Variants in TBC1D12 observed in about 807,000 individuals in gnomAD.
The protein encoded by TBC1D12 is TBC1 domain family member 12.
In TBC1D12, 56 loss-of-function variants were observed where a neutral mutation model predicts 86.7. The ratio of observed to expected loss-of-function variants is 0.65; its 90% CI spans 0.52 to 0.81. The LOEUF (loss-of-function observed/expected upper bound fraction) is 0.81, where lower values mean the gene tolerates loss of function less well. Among genes scored for constraint, TBC1D12 ranks in the 30% least tolerant of loss-of-function variants. TBC1D12 has a pLI of 0.00. For synonymous variants in TBC1D12, 421 were observed against 411.7 expected, an observed-to-expected ratio of 1.02 and a Z score of -0.27; for missense variants, 1,023 against 1,038.8, an observed-to-expected ratio of 0.98 and a Z score of 0.21.
At position 94,533,192 on chromosome 10, in the gene TBC1D12, G is replaced by A; in HGVS notation, c.*96G>A. ...AAAAGGCGTGGAAGAAAATGTTGGA[G>A]ATACCTAAAAGAATCAAGAGGTGGA... On this transcript the variant is annotated 3_prime_UTR_variant, in exon 13 of 13. Coordinates refer to ENST00000225235, the MANE Select transcript of TBC1D12 (RefSeq NM_015188.2). 2 of 675,488 alleles carry A rather than the reference G, an allele frequency of 3.0e-6. No individual in the cohort carries two copies. The highest frequency in any genetic ancestry group is 2.4e-6 in the Non-Finnish European group (1 of 411,920). The allele number at this position is 675,488 out of a possible 1,614,324, so 41.8% of individuals were successfully genotyped here. A position where few individuals can be genotyped will look rare whatever the true frequency, so the allele number is the denominator to read the frequency against.
intron 3 of TBC1D12, among the ~76,000 whole-genome samples, chr10:94,490,846 C>T (rs2056235767): frequency 6.6e-6 from 1 of 152,024 alleles, no homozygotes; most frequent in Non-Finnish European, 1.5e-5. Context: ...CTTGTGTGAA[C>T]TTTAAGAATG....
At chr10:94,511,482 C>T (rs2056526344) in intron 8 of TBC1D12, 101 bp from the exon 9 acceptor site, 1 of 767,260 alleles carries the variant, frequency 1.3e-6, no homozygotes, top group Non-Finnish European at 2.3e-6. Flanking sequence ...TATGCTAAAA[C>T]TAGTCATTTA....
At chr10:94,480,450 C>G (rs955288116) in intron 3 of TBC1D12, among the ~76,000 whole-genome samples, 7 of 152,010 alleles carry the variant, frequency 4.6e-5, no homozygotes, top group Non-Finnish European at 1.0e-4. Context: ...TTTTTCACTT[C>G]TAAGAACACC....
intron 2 of TBC1D12, among the ~76,000 whole-genome samples, chr10:94,457,405 ATTTG>A (rs1339618925): frequency 2.0e-5 from 3 of 151,710 alleles, no homozygotes; most frequent in East Asian, 1.9e-4. Context: ...CTGTTTCTTC[ATTTG>A]TTTGTTTGTT....
intron 1 of TBC1D12, among the ~76,000 whole-genome samples, chr10:94,429,568 G>A (rs767974078): frequency 2.0e-4 from 30 of 152,126 alleles, no homozygotes; most frequent in Non-Finnish European, 1.0e-4. Context: ...TAATTATGTA[G>A]TCAGCTGTGG....
intron 9 of TBC1D12, among the ~76,000 whole-genome samples, chr10:94,518,299 C>T (rs1482377542): frequency 5.3e-5 from 8 of 151,904 alleles, no homozygotes; most frequent in African/African-American, 1.7e-4. Context: ...CTGCAACCTC[C>T]GCCCTCTGGG....
At chr10:94,490,861 A>AT (rs529448087) in intron 3 of TBC1D12, among the ~76,000 whole-genome samples, 13 of 147,292 alleles carry the variant, frequency 8.8e-5, no homozygotes, top group South Asian at 2.2e-4. Context: ...AGAATGTCCT[A>AT]TTTTTTTTTT....
At chr10:94,516,389 G>A (rs2056591829) in intron 9 of TBC1D12, among the ~76,000 whole-genome samples, 1 of 151,716 alleles carries the variant, frequency 6.6e-6, no homozygotes, top group African/African-American at 2.4e-5. Context: ...TTTTTTGGTT[G>A]GGCATATATA....
chr10:94,435,549 C>A (rs2055282077), intron 1 of TBC1D12, among the ~76,000 whole-genome samples: 1 of 151,984 alleles, frequency 6.6e-6, no homozygotes, highest in South Asian at 2.1e-4. Flanking sequence ...ATTAGATTAT[C>A]TTTTATGAAA....
chr10:94,490,270 A>G (rs1431785042), intron 3 of TBC1D12, among the ~76,000 whole-genome samples: 1 of 149,916 alleles, frequency 6.7e-6, no homozygotes, highest in Non-Finnish European at 1.5e-5. Context: ...GAAAAAAAAA[A>G]AGAAATATTG....
chr10:94,517,646 C>A (rs1025999459), intron 9 of TBC1D12, among the ~76,000 whole-genome samples: 1 of 152,080 alleles, frequency 6.6e-6, no homozygotes, highest in East Asian at 1.9e-4. Context: ...ACTGACAAAC[C>A]AGTCAGTCAA....
intron 4 of TBC1D12, among the ~76,000 whole-genome samples, chr10:94,496,018 GC>G (rs2056316255): frequency 6.6e-6 from 1 of 151,968 alleles, no homozygotes; most frequent in Non-Finnish European, 1.5e-5. Context: ...CAGGAGAATT[GC>G]TTGATCCCGG....
chr10:94,433,721 C>G (rs1253436582), intron 1 of TBC1D12, among the ~76,000 whole-genome samples: 1 of 152,186 alleles, frequency 6.6e-6, no homozygotes, highest in Non-Finnish European at 1.5e-5. Context: ...TTTTCTCCGT[C>G]TGCTGCTATG....
intron 2 of TBC1D12, among the ~76,000 whole-genome samples, chr10:94,454,830 C>A (rs540807813): frequency 1.2e-4 from 19 of 152,298 alleles, no homozygotes; most frequent in Non-Finnish European, 2.4e-4. Flanking sequence ...CATCTGTAAA[C>A]AAAGACAATT....
chr10:94,515,785 A>G (rs969919114), intron 9 of TBC1D12, among the ~76,000 whole-genome samples: 2 of 152,250 alleles, frequency 1.3e-5, no homozygotes, highest in Admixed American at 6.5e-5. Context: ...ATAACTAATA[A>G]TAAAGTAGAA....
chr10:94,458,340 G>A (rs181692949), intron 2 of TBC1D12, among the ~76,000 whole-genome samples: 2 of 152,258 alleles, frequency 1.3e-5, no homozygotes, highest in African/African-American at 4.8e-5. Flanking sequence ...GTCCCCATCA[G>A]CAAGAGGGCT....
rs116006494 is a variant in TBC1D12, at chr10:94,449,802, C to T, written c.1095+7783C>T. On this transcript the variant is annotated intron_variant, in intron 2 of 12. Coordinates refer to ENST00000225235, the MANE Select transcript of TBC1D12 (RefSeq NM_015188.2). The stretch of plus-strand genomic sequence containing the variant: ...TGTCTTTGAAGGAGAAGCTTCTATG[C>T]TACTGTTCTTTCTTCTTGTCAGTCC... Among the ~76,000 whole-genome samples the T allele has an allele frequency of 3.0e-3, 459 of 152,272 alleles. 4 individuals carry two copies. The highest frequency in any genetic ancestry group is 0.011 in the African/African-American group (446 of 41,560).
Position 94,511,622 on chromosome 10 carries a change from G to A in TBC1D12, c.1729G>A (p.Ala577Thr), listed in dbSNP as rs866438943. The change falls in exon 9 of 13, where the codon GCA becomes ACA. Residue 577 changes from alanine (A) to threonine (T), a missense_variant. By Grantham distance (58) the Ala-to-Thr change is moderately conservative. Transcript: ENST00000225235. ...TGATGTCTTGCATAGTATTTTAGGGGCATACACATGCTACAGGCCTGATGT... is the reference window on the plus strand; with the variant it reads ...TGATGTCTTGCATAGTATTTTAGGGACATACACATGCTACAGGCCTGATGT... Reference protein sequence around the residue: ...YHDVLHSILGAYTCYRPDVGY... With the variant: ...YHDVLHSILGTYTCYRPDVGY... The A allele has an allele frequency of 1.2e-6, 2 of 1,612,708 alleles. No homozygotes were observed. Among genetic ancestry groups the A allele is most frequent in the Non-Finnish European group, 1.7e-6 (2 of 1,179,292 alleles).
chr10:94,422,142 A>G (rs1564939074), intron 1 of TBC1D12, among the ~76,000 whole-genome samples: 8 of 147,660 alleles, frequency 5.4e-5, no homozygotes. Flanking sequence ...TATAGAATGT[A>G]TTGAAGAGTA....
Sources: allele counts gnomAD v4.1 joint callset (sites outside exome capture counted in the v4.1 genomes callset), GRCh38; gene constraint gnomAD v4.1.1; transcripts MANE v1.5; gene names NCBI Gene and HGNC (gene_info 2026-07-23, HGNC 2026-07-21).